The following PLXNA2 variants were observed in gnomAD, a reference collection of about 807,000 sequenced individuals.
The protein encoded by PLXNA2 is plexin A2, also known as plexin-A2.
Under a neutral mutation model 193.5 loss-of-function variants are expected in PLXNA2, and 91 were observed. That is an observed-to-expected ratio of 0.47 (90% confidence interval 0.40 to 0.56). The LOEUF is 0.56. PLXNA2 is among the 20% of genes least tolerant of loss of function. The pLI, the probability that PLXNA2 is intolerant of heterozygous loss-of-function variation, is 0.00. For missense variants in PLXNA2, 1,995 were observed against 2,503.2 expected (o/e 0.80, Z 4.33); for synonymous variants, 997 against 1,027.3 (o/e 0.97, Z 0.56).
intron 17 of PLXNA2, among the ~76,000 whole-genome samples, chr1:208,050,092 T>C (rs539627749): frequency 6.6e-6 from 1 of 152,314 alleles, no homozygotes; most frequent in East Asian, 1.9e-4. Flanking sequence ...TTTTTAAAAA[T>C]TATAAAAATT....
rs2102322969 is a variant in PLXNA2 at position 208,044,449 on chromosome 1, G to A, written c.3874+59C>T. On this transcript the variant is annotated intron_variant, in intron 20 of 31. Coordinates refer to ENST00000367033, the MANE Select transcript of PLXNA2 (RefSeq NM_025179.4). This position sits in a 1 kb window ranked among gnomAD's most constrained non-coding sequence, Gnocchi z 4.9. ...AGATAGGAGTTGTCTGCAGGGAGAA[G>A]GGCAATAAGGCAGGTGGAGAAAGAG... 1 of 1,185,712 alleles carries A rather than the reference G, an allele frequency of 8.4e-7. No homozygotes were observed. The highest frequency in any genetic ancestry group is 1.3e-6 in the Non-Finnish European group (1 of 795,236). The allele number at this position is 1,185,712 out of a possible 1,614,324, so 73.4% of individuals were successfully genotyped here. A position where few individuals can be genotyped will look rare whatever the true frequency, so the allele number is the denominator to read the frequency against.
At chr1:208,197,165 GA>G (rs1339674602) in intron 3 of PLXNA2, among the ~76,000 whole-genome samples, 12 of 152,046 alleles carry the variant, frequency 7.9e-5, no homozygotes, top group African/African-American at 2.7e-4. Context: ...AACAATGAAA[GA>G]AAAAAATCAA....
intron 12 of PLXNA2, among the ~76,000 whole-genome samples, chr1:208,078,944 C>CA (rs1666240998): frequency 6.6e-6 from 1 of 152,014 alleles, no homozygotes; most frequent in African/African-American, 2.4e-5. Flanking sequence ...ACCATGGAGC[C>CA]AATTTCTCCT....
Position 208,042,864 on chromosome 1 carries a change from T to G in PLXNA2, c.4017+197A>C, listed in dbSNP as rs1430159167. On this transcript the variant is annotated intron_variant, in intron 21 of 31. Coordinates refer to ENST00000367033, the MANE Select transcript of PLXNA2 (RefSeq NM_025179.4). Reference sequence around the variant, plus strand: ...AAATGACAAACAATGAGCTTTACCCTGGAACCATCCCAAGGAGCCTGGGTG... The same window carrying G: ...AAATGACAAACAATGAGCTTTACCCGGGAACCATCCCAAGGAGCCTGGGTG... Among the ~76,000 whole-genome samples the G allele has an allele frequency of 2.0e-5, 3 of 152,232 alleles. No homozygotes were observed. In the East Asian group the frequency reaches 5.8e-4, roughly 29 times the overall value.
chr1:208,223,451 T>C (rs538522246), intron 1 of PLXNA2, among the ~76,000 whole-genome samples: 3 of 152,306 alleles, frequency 2.0e-5, no homozygotes, highest in Admixed American at 6.5e-5. Flanking sequence ...CCTTTGATAA[T>C]AGCCCCATGA....
intron 4 of PLXNA2, among the ~76,000 whole-genome samples, chr1:208,123,828 G>A (rs1667881696): frequency 6.6e-6 from 1 of 152,214 alleles, no homozygotes; most frequent in African/African-American, 2.4e-5. Context: ...GGATTGAAAA[G>A]GACGCGGCTA....
At chr1:208,149,760 AT>A (rs993201236) in intron 3 of PLXNA2, among the ~76,000 whole-genome samples, 2 of 152,124 alleles carry the variant, frequency 1.3e-5, no homozygotes, top group African/African-American at 4.8e-5. Flanking sequence ...GACCCGAATT[AT>A]TTATAGATTT....
Position 208,044,781 on chromosome 1 carries a change from C to G in PLXNA2, c.3640-39G>C. 1 of 1,509,678 alleles carries G rather than the reference C, an allele frequency of 6.6e-7. No individual in the cohort carries two copies. The highest frequency in any genetic ancestry group is 2.3e-5 in the East Asian group (1 of 43,294). The allele number at this position is 1,509,678 out of a possible 1,614,324, so 93.5% of individuals were successfully genotyped here. A position where few individuals can be genotyped will look rare whatever the true frequency, so the allele number is the denominator to read the frequency against. On this transcript the variant is annotated intron_variant, in intron 19 of 31. Coordinates refer to ENST00000367033, the MANE Select transcript of PLXNA2 (RefSeq NM_025179.4). This position sits in a 1 kb window ranked among gnomAD's most constrained non-coding sequence, Gnocchi z 4.9. ...ACATACAGACGCACATGGATGCACA[C>G]AGGTGTAGAGCCCGGGCATGCCAGC...
At chr1:208,157,895 G>A (rs1046400892) in intron 3 of PLXNA2, among the ~76,000 whole-genome samples, 3 of 152,220 alleles carry the variant, frequency 2.0e-5, no homozygotes, top group African/African-American at 7.2e-5. Context: ...AGACTGTTTG[G>A]CAGAAAGCCC....
rs1238232744 is a variant in PLXNA2 at position 208,025,292 on chromosome 1, C to T, written c.*1951G>A. The T allele has an allele frequency of 6.6e-6, 1 of 152,468 alleles. No homozygotes were observed. The highest frequency in any genetic ancestry group is 6.5e-5 in the Admixed American group (1 of 15,288). 9.4% of individuals were successfully genotyped at this position (152,468 alleles called of 1,614,324 possible). A position where few individuals can be genotyped will look rare whatever the true frequency, so the allele number is the denominator to read the frequency against. On this transcript the variant is annotated 3_prime_UTR_variant, in exon 32 of 32. Coordinates refer to ENST00000367033, the MANE Select transcript of PLXNA2 (RefSeq NM_025179.4). ...AGCCAGACCTCTGCGCTCCCCTCCC[C>T]CAGCCCTCTCCTGGGAATCACATGT...
intron 28 of PLXNA2, 29 bp downstream of exon 28, chr1:208,033,289 AC>A: frequency 6.3e-7 from 1 of 1,585,912 alleles, no homozygotes; most frequent in Non-Finnish European, 8.6e-7. Flanking sequence ...TTTAACAAGC[AC>A]TCCCTGGTCT....
At chr1:208,091,328 T>A (rs542194381) in intron 9 of PLXNA2, among the ~76,000 whole-genome samples, 1 of 152,328 alleles carries the variant, frequency 6.6e-6, no homozygotes, top group East Asian at 1.9e-4. Flanking sequence ...TATTTTCTTA[T>A]GTTTAGCCAT....
intron 4 of PLXNA2, among the ~76,000 whole-genome samples, chr1:208,139,671 G>A: frequency 6.6e-6 from 1 of 152,164 alleles, no homozygotes; most frequent in South Asian, 2.1e-4. Context: ...GCTGTCAGAG[G>A]ATTCTACTAT....
In PLXNA2 at chr1:208,206,374, C is replaced by T. The variant is rs577411628; in HGVS notation, c.1371+3906G>A. ...ATATCACAGAGTTGGCTCATGTCAA[C>T]CTCACGGTTCGCTAAAATCCCAAGA... is the stretch of plus-strand genomic sequence containing the variant. On this transcript the variant is annotated intron_variant, in intron 3 of 31. Coordinates refer to ENST00000367033, the MANE Select transcript of PLXNA2 (RefSeq NM_025179.4). 8.2e-4 allele frequency among the ~76,000 whole-genome samples: 125 copies of T among 152,344 alleles called. No homozygotes were observed. In the South Asian group the frequency reaches 0.012, roughly 15 times the overall value.
chr1:208,131,358 T>C (rs1005485282), intron 4 of PLXNA2, among the ~76,000 whole-genome samples: 1 of 152,234 alleles, frequency 6.6e-6, no homozygotes, highest in Non-Finnish European at 1.5e-5. Flanking sequence ...ATCTTTCGTG[T>C]TGATCAAAAC....
chr1:208,217,623 C>A lies in PLXNA2; in HGVS notation c.300G>T (p.Val100=), dbSNP rs779981289. ...GGGTGAGCACTTCGCTGCAGGGCTG[C>A]ACGATGAGGGGCGGGTAACAAGACT... ...DNKSCYPPLI[V]QPCSEVLTLT... Residue 100 remains valine (V), a synonymous_variant, in exon 2 of 32, where the codon GTG becomes GTT. Transcript: ENST00000367033. The surrounding 1 kb of genome is among the most constrained non-coding windows in gnomAD (Gnocchi z 4.7). 4.3e-6 allele frequency: 7 copies of A among 1,614,064 alleles called. No individual in the cohort carries two copies. In the African/African-American group the frequency reaches 9.3e-5, roughly 22 times the overall value.
intron 1 of PLXNA2, among the ~76,000 whole-genome samples, chr1:208,235,387 G>A (rs1671820276): frequency 6.6e-6 from 1 of 152,200 alleles, no homozygotes; most frequent in Non-Finnish European, 1.5e-5. Context: ...CCAAAATTTA[G>A]AATAGTTTTC....
chr1:208,044,708 G>C lies in PLXNA2; in HGVS notation c.3674C>G (p.Ser1225Trp), dbSNP rs140111660. The change falls in exon 20 of 32, where the codon TCG becomes TGG. Residue 1225 changes from serine (S) to tryptophan (W), a missense_variant. Physicochemically the swap from Ser to Trp is radical, Grantham distance 177. Transcript: ENST00000367033. The surrounding 1 kb of genome is among the most constrained non-coding windows in gnomAD (Gnocchi z 4.9). ...HVGGMVFSPG[S>W]VSVISDSLLT... ...CAAGCTGTCTGAGATGACACTCACC[G>C]AGCCAGGCGAGAACACCATCCCGCC... 1.9e-5 allele frequency: 30 copies of C among 1,613,866 alleles called. No homozygotes were observed. Among genetic ancestry groups the C allele is most frequent in the Non-Finnish European group, 2.5e-5 (29 of 1,180,012 alleles).
intron 21 of PLXNA2, among the ~76,000 whole-genome samples, chr1:208,042,578 CG>C (rs1487308600): frequency 6.6e-6 from 1 of 152,182 alleles, no homozygotes; most frequent in African/African-American, 2.4e-5. Flanking sequence ...TGCACTGGGC[CG>C]GGGAGGCTGG....
Sources: gnomAD v4.1 joint callset for allele counts (sites outside exome capture counted in the v4.1 genomes callset) on GRCh38, gnomAD v4.1.1 for gene constraint, Gnocchi (gnomAD v3.1) non-coding constraint, MANE v1.5 for transcripts, NCBI Gene and HGNC (gene_info 2026-07-23, HGNC 2026-07-21) for gene names.